The following HK3 variants were observed in gnomAD, a reference collection of about 807,000 sequenced individuals.
HK3 encodes the protein hexokinase 3.
Under a neutral mutation model 91.0 loss-of-function variants are expected in HK3, and 93 were observed. That is an observed-to-expected ratio of 1.02 (90% CI 0.86 to 1.21). The LOEUF (loss-of-function observed/expected upper bound fraction) is 1.21. HK3 is among the 50% of genes most tolerant of loss of function. The pLI, the probability that HK3 is intolerant of heterozygous loss-of-function variation, is 0.00. For missense variants in HK3, 1,235 were observed against 1,247.4 expected (o/e 0.99, Z 0.15); for synonymous variants, 519 against 516.9 (o/e 1.00, Z -0.06).
intron 8 of HK3, 49 bp from the exon 9 acceptor site, chr5:176,888,913 C>T: frequency 6.3e-7 from 1 of 1,585,524 alleles, no homozygotes; most frequent in Non-Finnish European, 8.6e-7. Flanking sequence ...AGCCCTCAGT[C>T]CACCTGGCCC....
chr5:176,882,568 A>C (rs754569222), intron 15 of HK3, among the ~76,000 whole-genome samples: 6 of 152,190 alleles, frequency 3.9e-5, no homozygotes, highest in African/African-American at 7.2e-5. Context: ...GGAGCCCCAC[A>C]GTCTGGCCAG....
chr5:176,883,959 C>G, intron 14 of HK3, 80 bp downstream of exon 14: 1 of 1,567,418 alleles, frequency 6.4e-7, no homozygotes, highest in Non-Finnish European at 8.8e-7. Context: ...GCAGAGGGCT[C>G]CCCCCTCAGA....
Position 176,887,729 on chromosome 5 carries a change from TGCAGGAC to T in HK3, c.1315_1321del (p.Val439ArgfsTer4). 6.2e-7 allele frequency: 1 copy of T among 1,609,016 alleles called. No homozygotes were observed. The highest frequency in any genetic ancestry group is 8.5e-7 in the Non-Finnish European group (1 of 1,176,320). ...CGGGGCCAGGAGCATCACTGTCCCC[TGCAGGAC>T]GCTGCAGAACCTACAGATACATACA... On this transcript the variant is annotated frameshift_variant, in exon 11 of 19. Coordinates refer to ENST00000292432, the MANE Select transcript of HK3 (RefSeq NM_002115.3). LOFTEE classifies it high-confidence loss of function. The surrounding 1 kb of genome is among the most constrained non-coding windows in gnomAD (Gnocchi z 4.9).
rs1554101270 is a variant in HK3 at position 176,883,706 on chromosome 5, G to A, written c.2053+64C>T. On this transcript the variant is annotated intron_variant, in intron 15 of 18. Transcript: ENST00000292432. ...ACCGCCAAGGAAACATCCAACCAGA[G>A]GAATCAACAGAAGGCAGCAAATTGC... 7 of 1,264,600 alleles carry A rather than the reference G, an allele frequency of 5.5e-6. No homozygotes were observed. The Admixed American group carries it at 8.5e-5, about 15-fold the overall frequency. 78.3% of individuals were successfully genotyped at this position (1,264,600 alleles called of 1,614,324 possible). A position where few individuals can be genotyped will look rare whatever the true frequency, so the allele number is the denominator to read the frequency against.
intron 6 of HK3, 145 bp from the exon 7 acceptor site, chr5:176,889,889 C>T (rs12187462): frequency 0.01 from 7,049 of 674,776 alleles, 54 homozygotes; most frequent in Non-Finnish European, 0.013. Context: ...CACATTTGTG[C>T]CACAGATGCT....
intron 8 of HK3, 23 bp downstream of exon 8, chr5:176,889,358 G>A (rs1758696132): frequency 6.2e-7 from 1 of 1,609,020 alleles, no homozygotes; most frequent in African/African-American, 1.3e-5. Context: ...GGAACCAAAG[G>A]TCAGGGCCCC....
At chr5:176,891,665 A>C in intron 2 of HK3, 115 bp from the exon 3 acceptor site, 1 of 1,034,330 alleles carries the variant, frequency 9.7e-7, no homozygotes, top group Non-Finnish European at 1.4e-6. Flanking sequence ...CTCTTCATAC[A>C]CCCTGACTCT....
At chr5:176,885,115 G>A (rs1334595770) in intron 13 of HK3, among the ~76,000 whole-genome samples, 3 of 152,186 alleles carry the variant, frequency 2.0e-5, no homozygotes, top group Non-Finnish European at 4.4e-5. Context: ...CCAGGTTGCT[G>A]ATGACTTCCT....
chr5:176,894,259 C>A (rs993649149), intron 2 of HK3, among the ~76,000 whole-genome samples: 1 of 152,104 alleles, frequency 6.6e-6, no homozygotes, highest in East Asian at 1.9e-4. Flanking sequence ...ACTGGCCACA[C>A]GTGGTTAACT....
intron 2 of HK3, among the ~76,000 whole-genome samples, chr5:176,892,074 C>T (rs1758792380): frequency 1.3e-5 from 2 of 152,144 alleles, no homozygotes; most frequent in African/African-American, 4.8e-5. Context: ...GTCATCCTTC[C>T]CAAAACATTG....
chr5:176,890,623 C>T lies in HK3; in HGVS notation c.630+12G>A, dbSNP rs764990873. On this transcript the variant is annotated intron_variant, in intron 6 of 18. Coordinates refer to ENST00000292432, the MANE Select transcript of HK3 (RefSeq NM_002115.3). ...CATGGGCAGCCCTCCTGTCACCCCT[C>T]CCTCCACTCACCCCCTGCCTCCGAA... 6.2e-7 allele frequency: 1 copy of T among 1,612,890 alleles called. No individual in the cohort carries two copies. The highest frequency in any genetic ancestry group is 8.5e-7 in the Non-Finnish European group (1 of 1,178,850).
rs370917389 is a variant in HK3 at position 176,887,628 on chromosome 5, G to A, written c.1423C>T (p.Arg475Cys). ...AGCAGGCGCCGGTGGGCAGCCAGAC[G>A]GGCAGCCACGGCAGTCACCATCGCC... ...GVAMVTAVAARLAAHRRLLEE... is the reference protein window; with the variant it reads ...GVAMVTAVAACLAAHRRLLEE... Residue 475 changes from arginine (R) to cysteine (C), a missense_variant, in exon 11 of 19, where the codon CGT (arginine) becomes TGT (cysteine). Transcript: ENST00000292432. The surrounding 1 kb of genome is among the most constrained non-coding windows in gnomAD (Gnocchi z 4.9). 68 of 1,613,396 alleles carry A rather than the reference G, an allele frequency of 4.2e-5. No homozygotes were observed. Among genetic ancestry groups the A allele is most frequent in the African/African-American group, 2.0e-4 (15 of 74,894 alleles).
In HK3 at chr5:176,881,697, G is replaced by A. The variant is rs751109810; in HGVS notation, c.2388C>T (p.Ile796=). 4.6e-5 allele frequency: 74 copies of A among 1,613,958 alleles called. No homozygotes were observed. In the East Asian group the frequency reaches 8.9e-4, roughly 19 times the overall value. ...GCAATGTAGGCCTCAGGCACCTTTC[G>A]ATCTCAGAGAGGAACTTGGTCTTGA... is the stretch of plus-strand genomic sequence containing the variant. The part of the protein sequence containing the change: ...DIFKTKFLSE[I]ESDSLALRQV... Residue 796 remains isoleucine, a synonymous_variant, in exon 17 of 19, where the codon ATC becomes ATT. Coordinates refer to ENST00000292432, the MANE Select transcript of HK3 (RefSeq NM_002115.3).
In HK3 at chr5:176,887,816, G is replaced by T. The variant is rs1758642842; in HGVS notation, c.1305-70C>A. The T allele has an allele frequency of 2.0e-6, 3 of 1,510,336 alleles. No individual in the cohort carries two copies. Among genetic ancestry groups the T allele is most frequent in the South Asian group, 1.3e-5 (1 of 78,910 alleles). 93.6% of individuals were successfully genotyped at this position (1,510,336 alleles called of 1,614,324 possible). A position where few individuals can be genotyped will look rare whatever the true frequency, so the allele number is the denominator to read the frequency against. ...GACACACACAGGTGTGCACGGCTTG[G>T]CCCTGGACCCCCAGATACATACAGG... On this transcript the variant is annotated intron_variant, in intron 10 of 18. Transcript: ENST00000292432. The surrounding 1 kb of genome is among the most constrained non-coding windows in gnomAD (Gnocchi z 4.9).
At chr5:176,898,154 T>A (rs1235223130) in intron 1 of HK3, among the ~76,000 whole-genome samples, 1 of 152,230 alleles carries the variant, frequency 6.6e-6, no homozygotes, top group African/African-American at 2.4e-5. Flanking sequence ...GGCCTGATTA[T>A]TACAACAGCC....
intron 15 of HK3, among the ~76,000 whole-genome samples, chr5:176,883,331 G>A (rs1017455339): frequency 1.3e-5 from 2 of 152,182 alleles, no homozygotes; most frequent in Non-Finnish European, 2.9e-5. Flanking sequence ...AACACCAGGT[G>A]TGTACCATGA....
chr5:176,884,125 G>T lies in HK3; in HGVS notation c.1867C>A (p.Leu623Met). 1 of 1,614,026 alleles carries T rather than the reference G, an allele frequency of 6.2e-7. No homozygotes were observed. The highest frequency in any genetic ancestry group is 2.2e-5 in the East Asian group (1 of 44,876). Residue 623 changes from leucine to methionine, a missense_variant, in exon 14 of 19, where the codon CTG becomes ATG. By Grantham distance (15) the Leu-to-Met change is conservative. Coordinates refer to ENST00000292432, the MANE Select transcript of HK3 (RefSeq NM_002115.3). The surrounding 1 kb of genome is among the most constrained non-coding windows in gnomAD (Gnocchi z 4.1). Reference protein sequence around the residue: ...RQLGLDQGILLNWTKGFKASD... With the variant: ...RQLGLDQGILMNWTKGFKASD... ...GCCTTGAAACCCTTGGTCCAGTTCA[G>T]GAGGATGCCCTGGGGTGAGACCGAG...
chr5:176,893,446 T>C (rs1209041230), intron 2 of HK3, among the ~76,000 whole-genome samples: 1 of 152,192 alleles, frequency 6.6e-6, no homozygotes, highest in Non-Finnish European at 1.5e-5. Context: ...AGTCACCTCT[T>C]CGTGCAAAAC....
intron 13 of HK3, 22 bp downstream of exon 13, chr5:176,886,980 A>C: frequency 6.2e-7 from 1 of 1,613,254 alleles, no homozygotes; most frequent in South Asian, 1.1e-5. Flanking sequence ...CTTGGGAATC[A>C]CTTCTCTTGG....
Sources: gnomAD v4.1 joint callset for allele counts (sites outside exome capture counted in the v4.1 genomes callset) on GRCh38, gnomAD v4.1.1 for gene constraint, Gnocchi (gnomAD v3.1) non-coding constraint, MANE v1.5 for transcripts, NCBI Gene and HGNC (gene_info 2026-07-23, HGNC 2026-07-21) for gene names.